COL28A1: variants seen among roughly 807,000 people sequenced by gnomAD.
The protein encoded by COL28A1 is collagen type XXVIII alpha 1 chain.
A neutral mutation model predicts 150.2 loss-of-function variants in COL28A1; 161 were observed. The ratio of observed to expected loss-of-function variants is 1.07; its 90% CI spans 0.94 to 1.22. The LOEUF (loss-of-function observed/expected upper bound fraction) is 1.22. Ranked by LOEUF, COL28A1 falls within the 50% of genes most tolerant of loss-of-function variation. The pLI, the probability that COL28A1 is intolerant of heterozygous loss-of-function variation, is 0.00. For synonymous variants in COL28A1, 552 were observed against 469.7 expected (o/e 1.18, Z -2.26); for missense variants, 1,617 against 1,388.3 (o/e 1.16, Z -2.62).
chr7:7,435,507 C>G (rs1277592604), intron 23 of COL28A1, among the ~76,000 whole-genome samples: 1 of 152,080 alleles, frequency 6.6e-6, no homozygotes, highest in Non-Finnish European at 1.5e-5. Flanking sequence ...CAATCCCGGG[C>G]AAACTAGGGC....
chr7:7,462,367 A>T (rs1311684698), intron 15 of COL28A1, among the ~76,000 whole-genome samples: 1 of 152,244 alleles, frequency 6.6e-6, no homozygotes, highest in East Asian at 1.9e-4. Context: ...CAATAGATCC[A>T]AACAAGAAGA....
intron 14 of COL28A1, among the ~76,000 whole-genome samples, chr7:7,475,812 T>C (rs1013310087): frequency 3.3e-5 from 5 of 152,208 alleles, no homozygotes; most frequent in Non-Finnish European, 5.9e-5. Flanking sequence ...TCATGCCAAG[T>C]TGCTGACCTG....
At position 7,507,277 on chromosome 7, in the gene COL28A1, T is replaced by TA. The variant is rs1490691516; in HGVS notation, c.928-117dup. 6.5e-6 allele frequency: 4 copies of TA among 613,722 alleles called. No individual in the cohort carries two copies. In the East Asian group the frequency reaches 8.7e-5, roughly 13 times the overall value. The allele number at this position is 613,722 out of a possible 1,614,324, so 38.0% of individuals were successfully genotyped here. A position where few individuals can be genotyped will look rare whatever the true frequency, so the allele number is the denominator to read the frequency against. On this transcript the variant is annotated intron_variant, in intron 9 of 34. Coordinates refer to ENST00000399429, the MANE Select transcript of COL28A1 (RefSeq NM_001037763.3). ...TAATTGCCATCTTCCCTGGTTATCT[T>TA]AACATCAAAGGCAATAAACTGAAAT...
Position 7,373,124 on chromosome 7 carries a change from C to A in COL28A1, c.2782G>T (p.Glu928Ter). The change falls in exon 32 of 35, where the codon GAG becomes TAG. Residue 928 changes from glutamate (E) to a stop codon, truncating the protein, a stop_gained. Transcript: ENST00000399429. LOFTEE classifies it high-confidence loss of function. The surrounding 1 kb of genome is among the most constrained non-coding windows in gnomAD (Gnocchi z 4.1). Reference sequence around the variant, plus strand: ...TTCACCACCCCTATCACAAATATCTCCACATTGGTGTCACTGGCATTCTTC... The same window carrying A: ...TTCACCACCCCTATCACAAATATCTACACATTGGTGTCACTGGCATTCTTC... ...VVKNASDTNV[E>*]IFVIGVVKKN... 1 of 1,614,146 alleles carries A rather than the reference C, an allele frequency of 6.2e-7. No individual in the cohort carries two copies. Among genetic ancestry groups the A allele is most frequent in the Non-Finnish European group, 8.5e-7 (1 of 1,180,018 alleles).
At chr7:7,520,863 T>C (rs751240430) in intron 5 of COL28A1, among the ~76,000 whole-genome samples, 6 of 152,184 alleles carry the variant, frequency 3.9e-5, no homozygotes, top group Non-Finnish European at 7.4e-5. Context: ...GAAGACTTTA[T>C]AGGAAGGGAT....
chr7:7,344,284 T>G, the COL28A1 span, among the ~76,000 whole-genome samples: 1 of 152,092 alleles, frequency 6.6e-6, no homozygotes, highest in Non-Finnish European at 1.5e-5. Flanking sequence ...GTCTCATTAT[T>G]TGTCTTGTCT....
rs767220062 is a variant in COL28A1 at position 7,417,920 on chromosome 7, GTA to G, written c.2073_2074del (p.Thr692TrpfsTer20). 49 of 1,607,904 alleles carry G rather than the reference GTA, an allele frequency of 3.0e-5. No individual in the cohort carries two copies. In the South Asian group the frequency reaches 4.5e-4, roughly 15 times the overall value. ...AGGGCCAGGCAAGCCTTTCTGCCCA[GTA>G]TCACCCTGTTAGAAGATGGGGAGAA... On this transcript the variant is annotated frameshift_variant, in exon 27 of 35. Coordinates refer to ENST00000399429, the MANE Select transcript of COL28A1 (RefSeq NM_001037763.3). LOFTEE classifies it high-confidence loss of function.
At chr7:7,481,067 C>T (rs897362224) in intron 13 of COL28A1, among the ~76,000 whole-genome samples, 2 of 152,134 alleles carry the variant, frequency 1.3e-5, no homozygotes, top group Admixed American at 1.3e-4. Context: ...TAAGAATGTC[C>T]TTTCATGGAA....
chr7:7,481,278 G>C (rs748257660), intron 13 of COL28A1, among the ~76,000 whole-genome samples: 3 of 152,146 alleles, frequency 2.0e-5, no homozygotes, highest in Non-Finnish European at 4.4e-5. Flanking sequence ...AATGCTCATG[G>C]ACAGTCTTTT....
At chr7:7,396,509 C>G (rs1463543016) in intron 27 of COL28A1, among the ~76,000 whole-genome samples, 3 of 152,180 alleles carry the variant, frequency 2.0e-5, no homozygotes, top group Non-Finnish European at 4.4e-5. Context: ...GTTTTAAAAT[C>G]CTTTTCCTTT....
intron 6 of COL28A1, among the ~76,000 whole-genome samples, chr7:7,519,592 T>C (rs552484571): frequency 2.4e-4 from 36 of 152,328 alleles, no homozygotes; most frequent in East Asian, 1.9e-4. Context: ...TTTTTTTTGA[T>C]AGGTACACAG....
intron 10 of COL28A1, among the ~76,000 whole-genome samples, chr7:7,506,906 C>A (rs192494488): frequency 9.2e-5 from 14 of 152,252 alleles, no homozygotes; most frequent in South Asian, 2.1e-4. Flanking sequence ...TTTAGGGAGT[C>A]TTAGTTAAGT....
chr7:7,450,928 A>G (rs1262388644), intron 18 of COL28A1, among the ~76,000 whole-genome samples: 2 of 152,328 alleles, frequency 1.3e-5, no homozygotes, highest in East Asian at 3.9e-4. Context: ...ATGATATATC[A>G]TGTAAAGTTT....
chr7:7,499,296 G>A (rs1303924337), intron 11 of COL28A1, among the ~76,000 whole-genome samples: 1 of 151,998 alleles, frequency 6.6e-6, no homozygotes, highest in Non-Finnish European at 1.5e-5. Flanking sequence ...AATTGTAAAG[G>A]GATTCTTCCT....
chr7:7,440,698 G>T, intron 21 of COL28A1, 92 bp downstream of exon 21: 2 of 592,200 alleles, frequency 3.4e-6, no homozygotes, highest in Non-Finnish European at 6.2e-6. Context: ...AAGGAAACAA[G>T]GAATCCAATT....
chr7:7,530,585 C>T lies in COL28A1; in HGVS notation c.681+763G>A, dbSNP rs188372435. 2.6e-4 allele frequency among the ~76,000 whole-genome samples: 39 copies of T among 152,240 alleles called. 1 individual carries two copies. Among genetic ancestry groups the T allele is most frequent in the African/African-American group, 8.9e-4 (37 of 41,536 alleles). On this transcript the variant is annotated intron_variant, in intron 3 of 34. Coordinates refer to ENST00000399429, the MANE Select transcript of COL28A1 (RefSeq NM_001037763.3). The stretch of plus-strand genomic sequence containing the variant: ...GCCAATCAACCAATTTATCTCTAGG[C>T]GTTTTCTCCTTGAGAAATATTGTGA...
Position 7,373,321 on chromosome 7 carries a change from T to C in COL28A1, c.2585A>G (p.Lys862Arg), listed in dbSNP as rs761281832. 6.2e-7 allele frequency: 1 copy of C among 1,614,186 alleles called. No individual in the cohort carries two copies. The highest frequency in any genetic ancestry group is 2.2e-5 in the East Asian group (1 of 44,880). ...LKQFSSKDDF[K>R]LAVDNMQYLG... ...ATACTGCATGTTGTCCACAGCCAAC[T>C]TGAAGTCATCCTTGCTGGAGAACTG... is the stretch of plus-strand genomic sequence containing the variant. The change falls in exon 32 of 35, where the codon AAG (lysine) becomes AGG (arginine). Residue 862 changes from lysine to arginine, a missense_variant. Physicochemically the swap from Lys to Arg is conservative, Grantham distance 26. Transcript: ENST00000399429. The surrounding 1 kb of genome is among the most constrained non-coding windows in gnomAD (Gnocchi z 4.1).
At chr7:7,530,606 T>C (rs1782294257) in intron 3 of COL28A1, among the ~76,000 whole-genome samples, 1 of 152,130 alleles carries the variant, frequency 6.6e-6, no homozygotes, top group Non-Finnish European at 1.5e-5. Flanking sequence ...TGAGAAATAT[T>C]GTGAAGAGGG....
At chr7:7,457,399 C>A (rs142657650) in intron 15 of COL28A1, among the ~76,000 whole-genome samples, 258 of 152,042 alleles carry the variant, frequency 1.7e-3, no homozygotes, top group African/African-American at 5.2e-3. Flanking sequence ...GGACTCTTGG[C>A]AGAATAGAGT....
Sources: allele counts gnomAD v4.1 joint callset (sites outside exome capture counted in the v4.1 genomes callset), GRCh38; gene constraint gnomAD v4.1.1; non-coding constraint Gnocchi (gnomAD v3.1); transcripts MANE v1.5; gene names NCBI Gene and HGNC (gene_info 2026-07-23, HGNC 2026-07-21).